Variants in CHMP4B observed in about 807,000 individuals in gnomAD.
CHMP4B encodes charged multivesicular body protein 4B.
A neutral mutation model predicts 25.1 loss-of-function variants in CHMP4B; 1 was observed. The observed-to-expected ratio is 0.04, with a 90% CI of 0.01 to 0.19. CHMP4B has a LOEUF of 0.19. Ranked by LOEUF, CHMP4B falls within the 10% of genes least tolerant of loss-of-function variation. The pLI, the probability that CHMP4B is intolerant of heterozygous loss-of-function variation, is 1.00. For missense variants in CHMP4B, 151 were observed against 289.7 expected, an observed-to-expected ratio of 0.52 and a Z score of 3.48; for synonymous variants, 101 against 115.6, an observed-to-expected ratio of 0.87 and a Z score of 0.81.
At chr20:33,812,012 C>G (rs1018751911) in intron 1 of CHMP4B, among the ~76,000 whole-genome samples, 1 of 152,176 alleles carries the variant, frequency 6.6e-6, no homozygotes, top group Non-Finnish European at 1.5e-5. Flanking sequence ...CTGCCTCCTC[C>G]TCGGCTCATT....
At chr20:33,839,692 C>G (rs62209626) in intron 1 of CHMP4B, among the ~76,000 whole-genome samples, 17,816 of 152,096 alleles carry the variant, frequency 0.12, 1,400 homozygotes, top group Middle Eastern at 0.21. Context: ...GCCTTCAGGG[C>G]TTTCAGATCC....
intron 2 of CHMP4B, 84 bp from the exon 3 acceptor site, chr20:33,850,868 C>T (rs1009856310): frequency 3.2e-6 from 3 of 949,284 alleles, no homozygotes; most frequent in Non-Finnish European, 5.2e-6. Context: ...TTTGTGGGGC[C>T]CAGTTTCTGC....
intron 1 of CHMP4B, among the ~76,000 whole-genome samples, chr20:33,820,470 A>G (rs1385016028): frequency 6.6e-6 from 1 of 152,230 alleles, no homozygotes; most frequent in African/African-American, 2.4e-5. Flanking sequence ...ATAGATAAGT[A>G]TGTAGTAATT....
chr20:33,839,093 G>A (rs970403209), intron 1 of CHMP4B, among the ~76,000 whole-genome samples: 4 of 152,164 alleles, frequency 2.6e-5, no homozygotes, highest in Non-Finnish European at 5.9e-5. Flanking sequence ...TTGGTTTTAG[G>A]GTTCTAGCAA....
chr20:33,824,879 A>G (rs1389853521), intron 1 of CHMP4B, among the ~76,000 whole-genome samples: 2 of 152,200 alleles, frequency 1.3e-5, no homozygotes, highest in African/African-American at 4.8e-5. Flanking sequence ...GTTGAGAGCC[A>G]TGGCTCTAGG....
At chr20:33,844,718 G>A (rs1039852823) in intron 1 of CHMP4B, among the ~76,000 whole-genome samples, 7 of 151,956 alleles carry the variant, frequency 4.6e-5, no homozygotes, top group South Asian at 4.1e-4. Flanking sequence ...TGCTACACTC[G>A]GGATGCTGAA....
At chr20:33,831,512 T>C (rs974710748) in intron 1 of CHMP4B, among the ~76,000 whole-genome samples, 5 of 152,038 alleles carry the variant, frequency 3.3e-5, no homozygotes, top group African/African-American at 1.2e-4. Flanking sequence ...TTACAGGTGT[T>C]AGCCACCGTG....
chr20:33,821,181 GT>G (rs1978929394), intron 1 of CHMP4B, among the ~76,000 whole-genome samples: 2 of 151,980 alleles, frequency 1.3e-5, no homozygotes, highest in South Asian at 4.2e-4. Context: ...GAGGTCAGGA[GT>G]TCGAGACTAG....
chr20:33,826,164 A>G (rs1165502877), intron 1 of CHMP4B, among the ~76,000 whole-genome samples: 1 of 152,172 alleles, frequency 6.6e-6, no homozygotes, highest in Non-Finnish European at 1.5e-5. Context: ...AAAGTATGGT[A>G]GGAGAAGGAA....
At chr20:33,844,975 G>A (rs567774779) in intron 1 of CHMP4B, among the ~76,000 whole-genome samples, 3 of 152,206 alleles carry the variant, frequency 2.0e-5, no homozygotes, top group African/African-American at 7.2e-5. Context: ...TAGCCAGGAT[G>A]GTCTTGATCT....
At chr20:33,837,258 G>A (rs1568609225) in intron 1 of CHMP4B, among the ~76,000 whole-genome samples, 2 of 152,036 alleles carry the variant, frequency 1.3e-5, no homozygotes, top group Admixed American at 6.6e-5. Flanking sequence ...GGCTGAGATG[G>A]GAGGATCATT....
chr20:33,849,210 G>T (rs1233201542), intron 2 of CHMP4B, among the ~76,000 whole-genome samples: 1 of 152,170 alleles, frequency 6.6e-6, no homozygotes, highest in Non-Finnish European at 1.5e-5. Flanking sequence ...ACCTCTCATG[G>T]CAGTGGCCTA....
chr20:33,815,622 A>G (rs1335175707), intron 1 of CHMP4B, among the ~76,000 whole-genome samples: 1 of 152,226 alleles, frequency 6.6e-6, no homozygotes, highest in Non-Finnish European at 1.5e-5. Context: ...ATGAAGTAAG[A>G]TGTGATGGTC....
At chr20:33,811,734 G>C in intron 1 of CHMP4B, 76 bp downstream of exon 1, 1 of 1,460,696 alleles carries the variant, frequency 6.8e-7, no homozygotes, top group South Asian at 1.2e-5. Context: ...ACCTTCATCA[G>C]ACTCGCCTCG....
intron 1 of CHMP4B, among the ~76,000 whole-genome samples, chr20:33,840,054 G>A (rs1484583302): frequency 6.6e-6 from 1 of 152,178 alleles, no homozygotes; most frequent in Non-Finnish European, 1.5e-5. Flanking sequence ...TGCCATAACT[G>A]TATACTCTTT....
At chr20:33,844,299 A>T (rs890859504) in intron 1 of CHMP4B, among the ~76,000 whole-genome samples, 9 of 152,234 alleles carry the variant, frequency 5.9e-5, no homozygotes, top group African/African-American at 1.9e-4. Flanking sequence ...ATCCCCCATG[A>T]AGAACCCTGG....
intron 1 of CHMP4B, among the ~76,000 whole-genome samples, chr20:33,814,389 G>A (rs781459351): frequency 3.9e-5 from 6 of 152,186 alleles, no homozygotes; most frequent in Non-Finnish European, 8.8e-5. Context: ...AGCAGGAAAT[G>A]ATTATAACAG....
intron 1 of CHMP4B, among the ~76,000 whole-genome samples, chr20:33,824,579 A>G (rs1313636223): frequency 6.6e-6 from 1 of 152,216 alleles, no homozygotes; most frequent in East Asian, 1.9e-4. Flanking sequence ...AATTCGCTAC[A>G]TCAACATTGT....
chr20:33,824,071 G>A (rs1394422087), intron 1 of CHMP4B, among the ~76,000 whole-genome samples: 1 of 152,162 alleles, frequency 6.6e-6, no homozygotes, highest in Non-Finnish European at 1.5e-5. Context: ...TACAATATGA[G>A]CACCTATGCT....
Sources: allele counts gnomAD v4.1 joint callset (sites outside exome capture counted in the v4.1 genomes callset), GRCh38; gene constraint gnomAD v4.1.1; transcripts MANE v1.5; gene names NCBI Gene and HGNC (gene_info 2026-07-23, HGNC 2026-07-21).